PVT1: variants seen among roughly 807,000 people sequenced by gnomAD.
The protein encoded by PVT1 is CXCR4/PVT1 fusion.
intron 3 of PVT1, among the ~76,000 whole-genome samples, chr8:127,965,858 C>A (rs531294046): frequency 1.6e-3 from 243 of 152,308 alleles, no homozygotes; most frequent in Non-Finnish European, 2.8e-3. Flanking sequence ...AGCTTCCATC[C>A]TACCTTCCTG....
chr8:128,040,746 T>TTG (rs766803375), intron 4 of PVT1, among the ~76,000 whole-genome samples: 6 of 151,908 alleles, frequency 3.9e-5, no homozygotes, highest in African/African-American at 9.7e-5. Context: ...GTGTGAGTGC[T>TTG]TGTGTGTGTG....
At chr8:128,098,483 A>G (rs1563686457) in intron 6 of PVT1, among the ~76,000 whole-genome samples, 1 of 152,144 alleles carries the variant, frequency 6.6e-6, no homozygotes, top group Non-Finnish European at 1.5e-5. Context: ...AAACCTCACC[A>G]TCCGGTTGCG....
At chr8:127,823,708 TC>T (rs1452880536) in intron 2 of PVT1, among the ~76,000 whole-genome samples, 1 of 152,160 alleles carries the variant, frequency 6.6e-6, no homozygotes, top group Admixed American at 6.5e-5. Flanking sequence ...ACATTTATAC[TC>T]CCACGCCCAC....
intron 4 of PVT1, among the ~76,000 whole-genome samples, chr8:128,018,368 GC>G (rs921776794): frequency 2.6e-5 from 4 of 152,226 alleles, no homozygotes; most frequent in Non-Finnish European, 5.9e-5. Context: ...GTGGGCAGCA[GC>G]CCCTTTGTGC....
intron 5 of PVT1, among the ~76,000 whole-genome samples, chr8:128,073,928 C>G (rs1461468131): frequency 6.6e-6 from 1 of 151,918 alleles, no homozygotes; most frequent in Non-Finnish European, 1.5e-5. Flanking sequence ...GTAGTCTTCT[C>G]CAAGAGCTGA....
intron 4 of PVT1, among the ~76,000 whole-genome samples, chr8:128,031,748 C>T (rs1456343899): frequency 6.6e-6 from 1 of 152,136 alleles, no homozygotes; most frequent in Admixed American, 6.5e-5. Flanking sequence ...CATAATGACA[C>T]TAAGAGGTAG....
chr8:127,998,848 C>CTT lies in PVT1; in HGVS notation n.912+9557_912+9558insTT, dbSNP rs200394084. On this transcript the variant is annotated intron_variant and non_coding_transcript_variant, in intron 4 of 10. Transcript: ENST00000651587. The stretch of plus-strand genomic sequence containing the variant: ...CCTTCCTTCCTTCCTTCCTTCCTTC[C>CTT]CTCCCTCCCTCTCTCTCTCTCTCTC... Among the ~76,000 whole-genome samples the CTT allele has an allele frequency of 2.7e-3, 381 of 141,676 alleles. 1 individual carries two copies. The highest frequency in any genetic ancestry group is 0.01 in the African/African-American group (358 of 35,190). 92.9% of individuals were successfully genotyped at this position (141,676 alleles called of 152,430 possible). A position where few individuals can be genotyped will look rare whatever the true frequency, so the allele number is the denominator to read the frequency against.
chr8:128,016,207 G>A (rs1162801384), intron 4 of PVT1, among the ~76,000 whole-genome samples: 1 of 151,938 alleles, frequency 6.6e-6, no homozygotes, highest in Non-Finnish European at 1.5e-5. Flanking sequence ...AATCTGGGAG[G>A]TGGAGATTGC....
intron 3 of PVT1, among the ~76,000 whole-genome samples, chr8:127,964,137 G>C (rs1401253070): frequency 2.6e-5 from 4 of 152,224 alleles, no homozygotes. Flanking sequence ...GTTCAGGGAA[G>C]GCTGGGCAAA....
chr8:127,908,455 C>A (rs1282846808), intron 3 of PVT1, among the ~76,000 whole-genome samples: 1 of 151,824 alleles, frequency 6.6e-6, no homozygotes, highest in Admixed American at 6.6e-5. Context: ...GATTCTCCTG[C>A]CTCAGCCTCC....
intron 2 of PVT1, among the ~76,000 whole-genome samples, chr8:127,848,283 G>A (rs1815058093): frequency 6.6e-6 from 1 of 152,194 alleles, no homozygotes; most frequent in Non-Finnish European, 1.5e-5. Flanking sequence ...CAGGTGTGGT[G>A]GCATGTGCCT....
intron 5 of PVT1, among the ~76,000 whole-genome samples, chr8:128,079,932 G>A (rs1363547232): frequency 6.6e-6 from 1 of 152,162 alleles, no homozygotes; most frequent in East Asian, 1.9e-4. Flanking sequence ...CACCATGGTA[G>A]CCAGGATGGT....
chr8:128,058,929 C>T (rs1287047550), intron 4 of PVT1, among the ~76,000 whole-genome samples: 1 of 152,170 alleles, frequency 6.6e-6, no homozygotes, highest in African/African-American at 2.4e-5. Flanking sequence ...GGCCATCATC[C>T]CTTCTTTAGA....
intron 4 of PVT1, among the ~76,000 whole-genome samples, chr8:128,044,866 G>A (rs2648859): frequency 0.03 from 4,511 of 152,312 alleles, 194 homozygotes; most frequent in African/African-American, 0.095. Context: ...TCCTGAGGGT[G>A]CGGAGTGAGC....
At chr8:127,906,751 G>T (rs368701631) in intron 3 of PVT1, among the ~76,000 whole-genome samples, 1 of 152,114 alleles carries the variant, frequency 6.6e-6, no homozygotes, top group Non-Finnish European at 1.5e-5. Flanking sequence ...ATGTGCAGGC[G>T]TTAATGTCAC....
At chr8:127,998,711 C>T (rs1362570248) in intron 4 of PVT1, among the ~76,000 whole-genome samples, 7 of 137,492 alleles carry the variant, frequency 5.1e-5, no homozygotes, top group African/African-American at 1.7e-4. Context: ...TTCTTTCTTT[C>T]TTTCCTTCCT....
At chr8:127,945,106 T>G (rs1414789412) in intron 3 of PVT1, among the ~76,000 whole-genome samples, 20 of 152,136 alleles carry the variant, frequency 1.3e-4, no homozygotes. Flanking sequence ...CAGAGGAGAA[T>G]GAACAATGAA....
intron 5 of PVT1, among the ~76,000 whole-genome samples, chr8:128,086,528 C>T (rs1814260487): frequency 6.6e-6 from 1 of 152,234 alleles, no homozygotes; most frequent in African/African-American, 2.4e-5. Context: ...ATACCCACAG[C>T]ACTGTACTAA....
chr8:127,880,465 T>G (rs1815452976), intron 2 of PVT1, among the ~76,000 whole-genome samples: 1 of 151,582 alleles, frequency 6.6e-6, no homozygotes, highest in Non-Finnish European at 1.5e-5. Context: ...AATTTTTTTT[T>G]TTTTGTATTT....
Sources: allele counts gnomAD v4.1 joint callset (sites outside exome capture counted in the v4.1 genomes callset), GRCh38; gene constraint gnomAD v4.1.1; transcripts MANE v1.5; gene names NCBI Gene and HGNC (gene_info 2026-07-23, HGNC 2026-07-21).